HYDIN: variants seen among roughly 807,000 people sequenced by gnomAD.
The protein encoded by HYDIN is axonemal central pair apparatus protein HYDIN.
HYDIN carries 132 observed loss-of-function variants against 403.9 expected under a neutral mutation model. That is an observed-to-expected ratio of 0.33 (90% CI 0.28 to 0.38). The LOEUF is 0.38. HYDIN is among the 10% of genes least tolerant of loss of function. The probability of loss-of-function intolerance (pLI) is 1.00; values close to 1 mark genes in which losing one functional copy is unlikely to be tolerated. For missense variants in HYDIN, 2,827 were observed against 5,009.5 expected (o/e 0.56, Z 13.15); for synonymous variants, 1,202 against 1,891.7 (o/e 0.64, Z 9.46).
intron 1 of HYDIN, 57 bp downstream of exon 1, chr16:71,230,505 G>A (rs2041234365): frequency 2.0e-6 from 3 of 1,473,872 alleles, no homozygotes; most frequent in Non-Finnish European, 1.8e-6. Context: ...GGGACGCCCC[G>A]GTTAGCCCCC....
chr16:70,994,476 G>C (rs553154391), intron 23 of HYDIN, among the ~76,000 whole-genome samples: 7 of 152,256 alleles, frequency 4.6e-5, no homozygotes, highest in African/African-American at 1.4e-4. Flanking sequence ...GCTTCCATTT[G>C]ACTTGTTCCA....
At chr16:70,826,565 AT>A (rs2036602277) in intron 83 of HYDIN, among the ~76,000 whole-genome samples, 1 of 151,308 alleles carries the variant, frequency 6.6e-6, no homozygotes, top group South Asian at 2.1e-4. Context: ...CTTTTTTTAG[AT>A]GTTTCATGAT....
At chr16:71,213,775 C>CCT (rs2144738700) in intron 1 of HYDIN, among the ~76,000 whole-genome samples, 1 of 152,134 alleles carries the variant, frequency 6.6e-6, no homozygotes, top group African/African-American at 2.4e-5. Context: ...ATAGAAGTAA[C>CCT]TTCCCCAAAC....
chr16:71,104,020 T>A (rs1185320684), intron 10 of HYDIN, among the ~76,000 whole-genome samples: 2 of 152,140 alleles, frequency 1.3e-5, no homozygotes, highest in Admixed American at 6.6e-5. Context: ...TATTTTATAT[T>A]TCTCAATGTT....
intron 1 of HYDIN, among the ~76,000 whole-genome samples, chr16:71,191,421 A>C (rs1311080822): frequency 6.6e-6 from 1 of 152,188 alleles, no homozygotes; most frequent in Non-Finnish European, 1.5e-5. Context: ...GTTTGCGTTT[A>C]CCTAGGTAAC....
chr16:71,228,751 T>C (rs1439963397), intron 1 of HYDIN, among the ~76,000 whole-genome samples: 1 of 152,194 alleles, frequency 6.6e-6, no homozygotes, highest in East Asian at 1.9e-4. Flanking sequence ...AGTGTGGCAA[T>C]TCCCCAAGGA....
chr16:70,924,190 CCAAA>C (rs2077084632), intron 45 of HYDIN, among the ~76,000 whole-genome samples: 1 of 95,286 alleles, frequency 1.0e-5, no homozygotes, highest in Non-Finnish European at 2.1e-5. Flanking sequence ...CATTTAAGCC[CCAAA>C]CAAACTGATT....
chr16:71,102,684 G>A (rs573861553), intron 10 of HYDIN, among the ~76,000 whole-genome samples: 61 of 151,600 alleles, frequency 4.0e-4, no homozygotes, highest in Non-Finnish European at 5.8e-4. Flanking sequence ...TCTTTAAAAT[G>A]TGTTATGCAT....
chr16:70,911,651 A>T (rs1270166738), intron 47 of HYDIN, among the ~76,000 whole-genome samples: 4 of 151,856 alleles, frequency 2.6e-5, no homozygotes, highest in African/African-American at 7.3e-5. Context: ...GTGAAGAATG[A>T]TGGTGGTATT....
rs146992918 is a variant in HYDIN, at chr16:70,905,153, C to T, written c.8517-1089G>A. ...TGAAAGGAGAGAGAATGACAGAGAC[C>T]AAATGAGAGTCAGTGAAACAGAGAA... On this transcript the variant is annotated intron_variant, in intron 50 of 85. Coordinates refer to ENST00000393567, the MANE Select transcript of HYDIN (RefSeq NM_001270974.2). Among the ~76,000 whole-genome samples the T allele has an allele frequency of 3.8e-3, 583 of 152,188 alleles. 1 individual carries two copies. The highest frequency in any genetic ancestry group is 0.014 in the Middle Eastern group (4 of 294).
chr16:70,961,894 T>C lies in HYDIN; in HGVS notation c.5968+65A>G, dbSNP rs1019265753. On this transcript the variant is annotated intron_variant, in intron 38 of 85. Transcript: ENST00000393567. ...AGGCTTAGAGAAAGTGACAAGGTAC[T>C]GAATATTGTCTTCCTATTTCTGCTT... 4.0e-6 allele frequency: 4 copies of C among 1,010,014 alleles called. No individual in the cohort carries two copies. The Admixed American group carries it at 7.7e-5, about 19-fold the overall frequency. The allele number at this position is 1,010,014 out of a possible 1,614,324, so 62.6% of individuals were successfully genotyped here.
rs3094851 is a variant in HYDIN at position 71,146,245 on chromosome 16, T to G, written c.841+6414A>C. Among the ~76,000 whole-genome samples the G allele has an allele frequency of 2.0e-5, 3 of 151,778 alleles. No homozygotes were observed. The South Asian group carries it at 6.2e-4, about 32-fold the overall frequency. The stretch of plus-strand genomic sequence containing the variant: ...TTTTCAAACTCCTGATTTAAAATCT[T>G]GTGATACAGTGACCCAAATCTAATT... On this transcript the variant is annotated intron_variant, in intron 7 of 85. Coordinates refer to ENST00000393567, the MANE Select transcript of HYDIN (RefSeq NM_001270974.2).
At chr16:70,907,791 T>C (rs1024486354) in intron 49 of HYDIN, among the ~76,000 whole-genome samples, 19 of 151,438 alleles carry the variant, frequency 1.3e-4, no homozygotes, top group Admixed American at 3.9e-4. Context: ...CTATGGAAAA[T>C]TGGTTCTGGG....
intron 52 of HYDIN, among the ~76,000 whole-genome samples, chr16:70,902,821 A>ATATATTTTTTTTTTTTTTTTTTTTTTT: frequency 2.1e-5 from 1 of 47,316 alleles, no homozygotes; most frequent in Non-Finnish European, 3.6e-5. Flanking sequence ...ATATATATAT[A>ATATATTTTTTTTTTTTTTTTTTTTTTT]TTTTTTTTTT....
chr16:71,009,604 C>T (rs1159491264), intron 23 of HYDIN, among the ~76,000 whole-genome samples: 1 of 152,004 alleles, frequency 6.6e-6, no homozygotes, highest in Non-Finnish European at 1.5e-5. Context: ...CCTTATATGG[C>T]AAAAGGGACT....
At chr16:71,196,272 G>A (rs182847971) in intron 1 of HYDIN, among the ~76,000 whole-genome samples, 2 of 152,320 alleles carry the variant, frequency 1.3e-5, no homozygotes, top group Middle Eastern at 3.4e-3. Context: ...GTTTCTGGAA[G>A]AGATTAGCAT....
chr16:70,868,883 G>A, intron 65 of HYDIN, 95 bp from the exon 66 acceptor site: 1 of 1,299,160 alleles, frequency 7.7e-7, no homozygotes, highest in Non-Finnish European at 1.0e-6. Context: ...AGGAGCCAAA[G>A]GTCTTGGCAA....
intron 23 of HYDIN, among the ~76,000 whole-genome samples, 154 bp from the exon 24 acceptor site, chr16:70,992,364 C>A (rs1381029068): frequency 3.6e-5 from 5 of 137,960 alleles, no homozygotes; most frequent in African/African-American, 1.5e-4. Context: ...TTGAACTTGC[C>A]TTCTTCAAAT....
chr16:71,207,753 A>G (rs976550055), intron 1 of HYDIN, among the ~76,000 whole-genome samples: 1 of 152,220 alleles, frequency 6.6e-6, no homozygotes, highest in African/African-American at 2.4e-5. Context: ...AGAAACAAAA[A>G]AAAAGCAGAG....
Sources: gnomAD v4.1 joint callset for allele counts (sites outside exome capture counted in the v4.1 genomes callset) on GRCh38, gnomAD v4.1.1 for gene constraint, MANE v1.5 for transcripts, NCBI Gene and HGNC (gene_info 2026-07-23, HGNC 2026-07-21) for gene names.